EEF2K: variants seen among roughly 807,000 people sequenced by gnomAD.
EEF2K encodes the protein eukaryotic elongation factor 2 kinase.
A neutral mutation model predicts 93.8 loss-of-function variants in EEF2K; 70 were observed. The ratio of observed to expected loss-of-function variants is 0.75; its 90% CI spans 0.62 to 0.91. The LOEUF (loss-of-function observed/expected upper bound fraction) is 0.91. EEF2K is among the 40% of genes least tolerant of loss of function. The pLI, the probability that EEF2K is intolerant of heterozygous loss-of-function variation, is 0.00. For synonymous variants in EEF2K, 376 were observed against 380.8 expected (o/e 0.99, Z 0.15); for missense variants, 935 against 972.9 (o/e 0.96, Z 0.52).
At chr16:22,267,931 G>C (rs1302382703) in intron 15 of EEF2K, among the ~76,000 whole-genome samples, 1 of 152,126 alleles carries the variant, frequency 6.6e-6, no homozygotes, top group Non-Finnish European at 1.5e-5. Context: ...AGAAGCCCTT[G>C]GCGGGCACAT....
chr16:22,271,712 A>G (rs1305946763), intron 15 of EEF2K, among the ~76,000 whole-genome samples: 1 of 152,122 alleles, frequency 6.6e-6, no homozygotes, highest in Non-Finnish European at 1.5e-5. Flanking sequence ...CTCAAAAAAA[A>G]AAACAAGAAA....
At chr16:22,245,256 A>G (rs970428446) in intron 3 of EEF2K, among the ~76,000 whole-genome samples, 4 of 152,298 alleles carry the variant, frequency 2.6e-5, no homozygotes, top group African/African-American at 7.2e-5. Flanking sequence ...CGTCAGAGTA[A>G]CACTCCATGT....
chr16:22,238,667 G>GA (rs10708756), intron 2 of EEF2K, among the ~76,000 whole-genome samples: 540 of 93,436 alleles, frequency 5.8e-3, no homozygotes, highest in South Asian at 9.1e-3. Flanking sequence ...AAGAAAAAAG[G>GA]AAAAAAAAAA....
At chr16:22,273,192 G>A (rs1439034201) in intron 15 of EEF2K, among the ~76,000 whole-genome samples, 18 of 152,206 alleles carry the variant, frequency 1.2e-4, no homozygotes, top group Non-Finnish European at 1.5e-5. Context: ...CAGGCAGTGT[G>A]CTGAGATTAG....
At chr16:22,208,035 G>A (rs2046880104) in intron 1 of EEF2K, among the ~76,000 whole-genome samples, 1 of 152,218 alleles carries the variant, frequency 6.6e-6, no homozygotes, top group Non-Finnish European at 1.5e-5. Context: ...AACAACTACA[G>A]TAAAACCTCT....
At chr16:22,231,998 C>CAAAAA (rs35198909) in intron 2 of EEF2K, among the ~76,000 whole-genome samples, 943 of 65,638 alleles carry the variant, frequency 0.014, 1 homozygote, top group Middle Eastern at 0.042. Context: ...CTTAAACAAA[C>CAAAAA]AAAAAAAAAA....
Position 22,230,411 on chromosome 16 carries a change from G to A in EEF2K, c.246+4436G>A, listed in dbSNP as rs144832810. The stretch of plus-strand genomic sequence containing the variant: ...GTATTTTTCGTAGAGATAGGGTCTC[G>A]CCATGTTGCCCAGGCTGGTCTTTAA... On this transcript the variant is annotated intron_variant, in intron 2 of 17. Coordinates refer to ENST00000263026, the MANE Select transcript of EEF2K (RefSeq NM_013302.5). 8.5e-4 allele frequency among the ~76,000 whole-genome samples: 130 copies of A among 152,066 alleles called. No individual in the cohort carries two copies. The East Asian group carries it at 0.022, about 26-fold the overall frequency.
rs758845310 is a variant in EEF2K, at chr16:22,244,750, T to C, written c.347+20T>C. On this transcript the variant is annotated intron_variant, in intron 3 of 17. Transcript: ENST00000263026. The stretch of plus-strand genomic sequence containing the variant: ...ACACAGGTCAGCAGCTTGTGTGGGG[T>C]CTCGAGGAGTCCTGGGGGCTATACG... The C allele has an allele frequency of 1.9e-5, 31 of 1,612,488 alleles. No individual in the cohort carries two copies. The highest frequency in any genetic ancestry group is 2.6e-5 in the Non-Finnish European group (31 of 1,178,996).
intron 2 of EEF2K, among the ~76,000 whole-genome samples, chr16:22,239,432 T>C (rs2047199495): frequency 6.6e-6 from 1 of 151,782 alleles, no homozygotes; most frequent in Non-Finnish European, 1.5e-5. Flanking sequence ...TTCTCAACCC[T>C]GCAGGCTCTC....
rs549476188 is a variant in EEF2K at position 22,236,598 on chromosome 16, G to A, written c.247-8032G>A. On this transcript the variant is annotated intron_variant, in intron 2 of 17. Transcript: ENST00000263026. ...TAAAGGCTTGGGTGAGTCACTGGATGTGTCCTCAAGTAACCAGGGGCCTTG... is the reference window on the plus strand; with the variant it reads ...TAAAGGCTTGGGTGAGTCACTGGATATGTCCTCAAGTAACCAGGGGCCTTG... Among the ~76,000 whole-genome samples the A allele has an allele frequency of 2.2e-4, 33 of 152,034 alleles. 1 individual carries two copies. In the South Asian group the frequency reaches 6.8e-3, roughly 32 times the overall value.
chr16:22,223,262 G>GTTTTTTTTTTTTTTTTTT (rs58446693), intron 1 of EEF2K, among the ~76,000 whole-genome samples: 5 of 107,472 alleles, frequency 4.7e-5, no homozygotes, highest in Non-Finnish European at 7.9e-5. Flanking sequence ...GTTTTTTTCT[G>GTTTTTTTTTTTTTTTTTT]TTTTTTTTTT....
chr16:22,214,014 C>T (rs916681925), intron 1 of EEF2K, among the ~76,000 whole-genome samples: 3 of 152,194 alleles, frequency 2.0e-5, no homozygotes, highest in Non-Finnish European at 4.4e-5. Context: ...ATGTTTCTGC[C>T]TGCCGCAGAC....
chr16:22,226,198 C>G (rs565802526), intron 2 of EEF2K, among the ~76,000 whole-genome samples: 14 of 152,242 alleles, frequency 9.2e-5, no homozygotes, highest in African/African-American at 3.4e-4. Flanking sequence ...CCAGGACACA[C>G]TACGGAGTTG....
At chr16:22,257,840 CCT>C in intron 9 of EEF2K, 70 bp downstream of exon 9, 2 of 1,576,804 alleles carry the variant, frequency 1.3e-6, no homozygotes, top group Non-Finnish European at 8.6e-7. Flanking sequence ...GCCCTGCTCC[CCT>C]GTGTGGTGAC....
intron 12 of EEF2K, 85 bp downstream of exon 12, chr16:22,263,272 G>A (rs888917414): frequency 2.9e-5 from 37 of 1,282,184 alleles, no homozygotes; most frequent in Non-Finnish European, 3.7e-5. Flanking sequence ...TTCCTGGAGG[G>A]GGAATATGAG....
intron 1 of EEF2K, among the ~76,000 whole-genome samples, chr16:22,219,429 G>A (rs544852623): frequency 6.6e-6 from 1 of 152,252 alleles, no homozygotes; most frequent in East Asian, 1.9e-4. Context: ...CCAGGAGTTC[G>A]AGACTAGCCT....
chr16:22,249,289 A>G (rs1280956426), intron 4 of EEF2K, among the ~76,000 whole-genome samples: 1 of 151,942 alleles, frequency 6.6e-6, no homozygotes, highest in Non-Finnish European at 1.5e-5. Context: ...AATACAAAAA[A>G]GGCTTTTGAA....
chr16:22,234,334 A>G (rs186098537), intron 2 of EEF2K, among the ~76,000 whole-genome samples: 2 of 152,258 alleles, frequency 1.3e-5, no homozygotes, highest in Non-Finnish European at 1.5e-5. Flanking sequence ...AGGCTGGTGG[A>G]TCACCTGAGG....
Position 22,257,632 on chromosome 16 carries a change from T to G in EEF2K, c.902-11T>G. 6.2e-7 allele frequency: 1 copy of G among 1,612,112 alleles called. No homozygotes were observed. The highest frequency in any genetic ancestry group is 8.5e-7 in the Non-Finnish European group (1 of 1,179,910). The stretch of plus-strand genomic sequence containing the variant: ...AAAGCAACACTCCAGACACCCCCGC[T>G]CTGTCCACAGGTGTCCGCGGGATGG... On this transcript the variant is annotated splice_polypyrimidine_tract_variant and intron_variant, in intron 8 of 17. Coordinates refer to ENST00000263026, the MANE Select transcript of EEF2K (RefSeq NM_013302.5).
Sources: allele counts gnomAD v4.1 joint callset (sites outside exome capture counted in the v4.1 genomes callset), GRCh38; gene constraint gnomAD v4.1.1; transcripts MANE v1.5; gene names NCBI Gene and HGNC (gene_info 2026-07-23, HGNC 2026-07-21).